Variants in PLPP4 observed in about 807,000 individuals in gnomAD.
PLPP4 encodes phospholipid phosphatase 4, also known as diacylglycerol pyrophosphate like 2.
A neutral mutation model predicts 32.2 loss-of-function variants in PLPP4; 20 were observed. That is an observed-to-expected ratio of 0.62 (90% CI 0.44 to 0.90). PLPP4 has a LOEUF of 0.90. Ranked by LOEUF, PLPP4 falls within the 40% of genes least tolerant of loss-of-function variation. PLPP4 has a pLI of 0.00. For missense variants in PLPP4, 257 were observed against 353.1 expected, an observed-to-expected ratio of 0.73 and a Z score of 2.18; for synonymous variants, 127 against 133.0, an observed-to-expected ratio of 0.95 and a Z score of 0.31.
At chr10:120,488,202 G>A (rs191758522) in intron 1 of PLPP4, among the ~76,000 whole-genome samples, 1 of 152,334 alleles carries the variant, frequency 6.6e-6, no homozygotes. Context: ...CAGAGTCAAT[G>A]CCAGCCCCCC....
At chr10:120,539,291 G>A (rs993682499) in intron 5 of PLPP4, among the ~76,000 whole-genome samples, 41 of 152,298 alleles carry the variant, frequency 2.7e-4, no homozygotes, top group African/African-American at 9.6e-4. Flanking sequence ...TCACAGGTCA[G>A]GTCACTTGGA....
chr10:120,476,875 G>T (rs1843948114), intron 1 of PLPP4, among the ~76,000 whole-genome samples: 1 of 152,152 alleles, frequency 6.6e-6, no homozygotes, highest in South Asian at 2.1e-4. Context: ...CTTCATAGGT[G>T]CTTGGCTAAA....
At chr10:120,579,096 G>A (rs1849359373) in intron 6 of PLPP4, among the ~76,000 whole-genome samples, 1 of 152,150 alleles carries the variant, frequency 6.6e-6, no homozygotes, top group Non-Finnish European at 1.5e-5. Flanking sequence ...GCAGGAATGT[G>A]GTGTTTGCTC....
At chr10:120,545,064 C>G (rs2148474) in intron 5 of PLPP4, among the ~76,000 whole-genome samples, 118,138 of 152,150 alleles carry the variant, frequency 0.78, 45,978 homozygotes, top group East Asian at 0.88. Context: ...AGAGTTCTGG[C>G]ACCATCTGTA....
chr10:120,490,990 C>T (rs944703539), intron 1 of PLPP4, among the ~76,000 whole-genome samples: 1 of 152,202 alleles, frequency 6.6e-6, no homozygotes, highest in African/African-American at 2.4e-5. Context: ...GTCCTCGAGC[C>T]CCTATCTCTG....
chr10:120,463,025 T>C lies in PLPP4; in HGVS notation c.56+5664T>C, dbSNP rs1485910860. On this transcript the variant is annotated intron_variant, in intron 1 of 6. Transcript: ENST00000398250. ...TCTAGAAACAAGTTTCTTTCTTTTT[T>C]TTTTTTTTTTTTTTTTGAGACGGAG... Among the ~76,000 whole-genome samples the C allele has an allele frequency of 1.1e-4, 15 of 139,872 alleles. No individual in the cohort carries two copies. In the South Asian group the frequency reaches 1.2e-3, roughly 11 times the overall value. The allele number at this position is 139,872 out of a possible 152,430, so 91.8% of individuals were successfully genotyped here.
At position 120,514,000 on chromosome 10, in the gene PLPP4, A is replaced by C. The variant is rs1211604407; in HGVS notation, c.255A>C (p.Leu85Phe). 6.2e-7 allele frequency: 1 copy of C among 1,607,682 alleles called. No homozygotes were observed. The highest frequency in any genetic ancestry group is 2.2e-5 in the East Asian group (1 of 44,850). ...TDKTEIKEAF[L>F]AVSLALALNG... Reference sequence around the variant, plus strand: ...AGACTGAAATTAAGGAAGCCTTCTTAGGTAGAGTATTCACAGTTCCTGCTT... The same window carrying C: ...AGACTGAAATTAAGGAAGCCTTCTTCGGTAGAGTATTCACAGTTCCTGCTT... The change falls in exon 3 of 7, where the codon TTA (leucine) becomes TTC (phenylalanine). Residue 85 changes from leucine to phenylalanine, a missense_variant and splice_region_variant. By Grantham distance (22) the Leu-to-Phe change is conservative. Coordinates refer to ENST00000398250, the MANE Select transcript of PLPP4 (RefSeq NM_001030059.3).
At chr10:120,548,108 A>G (rs990047876) in intron 5 of PLPP4, among the ~76,000 whole-genome samples, 7 of 152,092 alleles carry the variant, frequency 4.6e-5, no homozygotes, top group African/African-American at 1.4e-4. Context: ...TTAGGGGTAT[A>G]TGTGTAGGTT....
intron 1 of PLPP4, among the ~76,000 whole-genome samples, chr10:120,502,759 C>T (rs1036434493): frequency 4.6e-5 from 7 of 152,154 alleles, no homozygotes; most frequent in South Asian, 2.1e-4. Context: ...CTGGTTTGCT[C>T]AAGACTGAGG....
intron 5 of PLPP4, among the ~76,000 whole-genome samples, chr10:120,565,339 TGTGTG>T (rs1848645396): frequency 4.4e-5 from 6 of 136,100 alleles, no homozygotes; most frequent in African/African-American, 1.3e-4. Context: ...TGTGTGTGTG[TGTGTG>T]TGTGTGTGTG....
intron 6 of PLPP4, 109 bp from the exon 7 acceptor site, chr10:120,589,194 A>T: frequency 9.2e-7 from 1 of 1,086,524 alleles, no homozygotes; most frequent in Non-Finnish European, 1.4e-6. Context: ...GGGTCCTGTA[A>T]GCAAACCAGG....
At chr10:120,507,377 A>G (rs567356488) in intron 2 of PLPP4, among the ~76,000 whole-genome samples, 336 of 132,112 alleles carry the variant, frequency 2.5e-3, no homozygotes, top group Non-Finnish European at 4.0e-3. Context: ...CATCATCATC[A>G]TCATCATCAT....
At chr10:120,465,780 C>G (rs1200721307) in intron 1 of PLPP4, among the ~76,000 whole-genome samples, 1 of 152,196 alleles carries the variant, frequency 6.6e-6, no homozygotes, top group East Asian at 1.9e-4. Flanking sequence ...TTCCACCACC[C>G]TGACTTCTAA....
chr10:120,535,924 A>G (rs927805717), intron 5 of PLPP4, among the ~76,000 whole-genome samples: 2 of 152,042 alleles, frequency 1.3e-5, no homozygotes, highest in African/African-American at 4.8e-5. Flanking sequence ...AGTCTTCCAA[A>G]TTTGAGTTTA....
chr10:120,465,858 T>C (rs1210877465), intron 1 of PLPP4, among the ~76,000 whole-genome samples: 1 of 152,196 alleles, frequency 6.6e-6, no homozygotes, highest in Non-Finnish European at 1.5e-5. Flanking sequence ...TTTTGTTGAA[T>C]GTGTTTTTGA....
chr10:120,538,021 T>G (rs1392995738), intron 5 of PLPP4, among the ~76,000 whole-genome samples: 2 of 63,342 alleles, frequency 3.2e-5, no homozygotes, highest in African/African-American at 1.0e-4. Flanking sequence ...TCTCTCTCTC[T>G]CTCTCTCTCT....
chr10:120,580,681 G>A (rs1589927388), intron 6 of PLPP4, among the ~76,000 whole-genome samples: 1 of 43,744 alleles, frequency 2.3e-5, no homozygotes, highest in South Asian at 7.0e-4. Context: ...ACACACACAC[G>A]GCTGAGGGAC....
intron 1 of PLPP4, among the ~76,000 whole-genome samples, chr10:120,491,301 C>T (rs775993694): frequency 2.6e-5 from 4 of 152,202 alleles, no homozygotes. Flanking sequence ...AGTACCTCAT[C>T]ACTCAAAGTT....
At chr10:120,582,501 G>C (rs549903894) in intron 6 of PLPP4, among the ~76,000 whole-genome samples, 2 of 152,060 alleles carry the variant, frequency 1.3e-5, no homozygotes, top group African/African-American at 4.8e-5. Context: ...GATTACTCCT[G>C]TAAAACCCTA....
Sources: allele counts gnomAD v4.1 joint callset (sites outside exome capture counted in the v4.1 genomes callset), GRCh38; gene constraint gnomAD v4.1.1; transcripts MANE v1.5; gene names NCBI Gene and HGNC (gene_info 2026-07-23, HGNC 2026-07-21).